Variants in RCN2 observed in about 807,000 individuals in gnomAD.
The protein encoded by RCN2 is reticulocalbin-2.
RCN2 carries 23 observed loss-of-function variants against 37.5 expected under a neutral mutation model. The observed-to-expected ratio is 0.61, with a 90% CI of 0.44 to 0.87. The LOEUF (loss-of-function observed/expected upper bound fraction) is 0.87, where lower values mean the gene tolerates loss of function less well. Ranked by LOEUF, RCN2 falls within the 40% of genes least tolerant of loss-of-function variation. The probability of loss-of-function intolerance (pLI) is 0.00; values close to 1 mark genes in which losing one functional copy is unlikely to be tolerated. For synonymous variants in RCN2, 140 were observed against 144.6 expected (o/e 0.97, Z 0.23); for missense variants, 381 against 390.4 (o/e 0.98, Z 0.20).
At position 76,932,889 on chromosome 15, in the gene RCN2, A is replaced by G. The variant is rs79531144; in HGVS notation, c.250+423A>G. On this transcript the variant is annotated intron_variant, in intron 2 of 6. Transcript: ENST00000394885. ...AGTAGAAAAAGACCTGTTGCCTGTGAATTACGTTTATTATAACATTATACC... is the reference window on the plus strand; with the variant it reads ...AGTAGAAAAAGACCTGTTGCCTGTGGATTACGTTTATTATAACATTATACC... Among the ~76,000 whole-genome samples, 263 of 152,188 alleles carry G rather than the reference A, an allele frequency of 1.7e-3. 2 individuals carry two copies. Among genetic ancestry groups the G allele is most frequent in the African/African-American group, 5.7e-3 (235 of 41,498 alleles).
At chr15:76,932,550 G>A in intron 2 of RCN2, 84 bp downstream of exon 2, 1 of 926,132 alleles carries the variant, frequency 1.1e-6, no homozygotes, top group Non-Finnish European at 1.7e-6. Context: ...TAGATTGCTA[G>A]TGTCCCAAGT....
chr15:76,941,763 T>C, intron 3 of RCN2: 1 of 772,702 alleles, frequency 1.3e-6, no homozygotes, highest in Non-Finnish European at 1.9e-6. Flanking sequence ...CCCTTCACTT[T>C]TTTTTTTTTT....
At position 76,954,266 on chromosome 15, in the gene RCN2, A is replaced by G. The variant is rs145642830; in HGVS notation, c.*5044A>G. On this transcript the variant is annotated 3_prime_UTR_variant, in exon 7 of 7. Transcript: ENST00000394885. ...CTTTTGAGTGAGAAATGTCAACTCA[A>G]ACTTACACTTTTTCACTTAGGAAGA... 6.6e-6 allele frequency: 1 copy of G among 152,246 alleles called. No homozygotes were observed. The highest frequency in any genetic ancestry group is 1.9e-4 in the East Asian group (1 of 5,186). The allele number at this position is 152,246 out of a possible 1,614,324, so 9.4% of individuals were successfully genotyped here.
Position 76,952,173 on chromosome 15 carries a change from G to T in RCN2, c.*2951G>T, listed in dbSNP as rs941741521. 1 of 151,902 alleles carries T rather than the reference G, an allele frequency of 6.6e-6. No homozygotes were observed. Among genetic ancestry groups the T allele is most frequent in the African/African-American group, 2.4e-5 (1 of 41,294 alleles). 9.4% of individuals were successfully genotyped at this position (151,902 alleles called of 1,614,324 possible). On this transcript the variant is annotated 3_prime_UTR_variant, in exon 7 of 7. Coordinates refer to ENST00000394885, the MANE Select transcript of RCN2 (RefSeq NM_002902.3). ...GTCATGAGATAGTACCTACCAGAGT[G>T]GTACATTTGTTAAAATCGATGAAAC...
chr15:76,952,438 CAT>C lies in RCN2; in HGVS notation c.*3218_*3219del, dbSNP rs1271263287. The stretch of plus-strand genomic sequence containing the variant: ...ATTTTTTAGATTGTAGTAAAATACA[CAT>C]AACAAAATTCATCTTAACAGTTTTT... On this transcript the variant is annotated 3_prime_UTR_variant, in exon 7 of 7. Coordinates refer to ENST00000394885, the MANE Select transcript of RCN2 (RefSeq NM_002902.3). 1 of 152,118 alleles carries C rather than the reference CAT, an allele frequency of 6.6e-6. No homozygotes were observed. The highest frequency in any genetic ancestry group is 1.5e-5 in the Non-Finnish European group (1 of 68,022). 9.4% of individuals were successfully genotyped at this position (152,118 alleles called of 1,614,324 possible).
intron 3 of RCN2, among the ~76,000 whole-genome samples, chr15:76,937,002 T>C (rs1400615828): frequency 6.6e-6 from 1 of 152,234 alleles, no homozygotes; most frequent in African/African-American, 2.4e-5. Context: ...ATTTGGCTAC[T>C]CTAGGTACCT....
At chr15:76,935,360 A>G (rs149203038) in intron 2 of RCN2, among the ~76,000 whole-genome samples, 166 bp from the exon 3 acceptor site, 1 of 152,154 alleles carries the variant, frequency 6.6e-6, no homozygotes, top group Non-Finnish European at 1.5e-5. Context: ...GAGCTCTTCT[A>G]AACAGCCTTT....
chr15:76,936,683 G>A (rs1199915351), intron 3 of RCN2, among the ~76,000 whole-genome samples: 1 of 152,202 alleles, frequency 6.6e-6, no homozygotes, highest in Non-Finnish European at 1.5e-5. Flanking sequence ...TCAGGAAGAT[G>A]TGTGTAGGCT....
At chr15:76,941,705 T>C (rs757885711) in intron 3 of RCN2, 21 of 1,383,356 alleles carry the variant, frequency 1.5e-5, no homozygotes, top group Middle Eastern at 3.6e-4. Flanking sequence ...GCTATTCTTA[T>C]TTTGTGTTCT....
intron 4 of RCN2, among the ~76,000 whole-genome samples, chr15:76,946,708 T>C (rs1007375918): frequency 6.6e-5 from 10 of 151,954 alleles, no homozygotes; most frequent in African/African-American, 2.4e-4. Flanking sequence ...GCTGAGATCA[T>C]ACCATTGTAC....
At position 76,954,093 on chromosome 15, in the gene RCN2, G is replaced by A. The variant is rs1047545910; in HGVS notation, c.*4871G>A. 6.8e-6 allele frequency: 1 copy of A among 146,980 alleles called. No homozygotes were observed. The highest frequency in any genetic ancestry group is 1.5e-5 in the Non-Finnish European group (1 of 67,256). The allele number at this position is 146,980 out of a possible 1,614,324, so 9.1% of individuals were successfully genotyped here. ...TAGTAGCCATCCTGTTGGGTGAGAC[G>A]TGGTATCTCGTTGTGGCTTTGATTT... On this transcript the variant is annotated 3_prime_UTR_variant, in exon 7 of 7. Transcript: ENST00000394885.
Position 76,948,931 on chromosome 15 carries a change from C to T in RCN2, c.802-139C>T, listed in dbSNP as rs1005846563. On this transcript the variant is annotated intron_variant, in intron 6 of 6. Coordinates refer to ENST00000394885, the MANE Select transcript of RCN2 (RefSeq NM_002902.3). ...AAGCAGTAGACGGACCTGGTTACAA[C>T]GTGTAACATTTTTAGATACTTAAAC... is the stretch of plus-strand genomic sequence containing the variant. 30 of 774,602 alleles carry T rather than the reference C, an allele frequency of 3.9e-5. No homozygotes were observed. The Admixed American group carries it at 4.1e-4, about 11-fold the overall frequency. 48.0% of individuals were successfully genotyped at this position (774,602 alleles called of 1,614,324 possible).
chr15:76,943,491 G>T (rs2075283503), intron 3 of RCN2: 1 of 287,744 alleles, frequency 3.5e-6, no homozygotes, highest in Non-Finnish European at 6.4e-6. Flanking sequence ...TTTGATAGAT[G>T]AGGAAACCAG....
intron 3 of RCN2, among the ~76,000 whole-genome samples, chr15:76,939,279 A>T (rs1314297630): frequency 6.8e-6 from 1 of 147,538 alleles, no homozygotes; most frequent in Non-Finnish European, 1.5e-5. Context: ...AATAAATAAA[A>T]ATTTCCTCTT....
At position 76,931,933 on chromosome 15, in the gene RCN2, C is replaced by G. The variant is rs2075224659; in HGVS notation, c.92C>G (p.Pro31Arg). ...GGCAAGGCCGAGGAGCTGCACTACC[C>G]GCTGGGCGAGCGCCGCAGCGACTAC... The part of the protein sequence containing the change: ...GAGKAEELHY[P>R]LGERRSDYDR... The change falls in exon 1 of 7, where the codon CCG (proline) becomes CGG (arginine). Residue 31 changes from proline (P) to arginine (R), a missense_variant. Transcript: ENST00000394885. The G allele has an allele frequency of 1.5e-6, 2 of 1,307,972 alleles. No homozygotes were observed. Among genetic ancestry groups the G allele is most frequent in the African/African-American group, 1.6e-5 (1 of 64,460 alleles). The allele number at this position is 1,307,972 out of a possible 1,614,324, so 81.0% of individuals were successfully genotyped here.
rs1005394614 is a variant in RCN2, at chr15:76,950,680, C to T, written c.*1458C>T. ...CTGGAATTACAGGCGTGAGCCAACG[C>T]GCACGGCCTCTAGTTTTTCATTCTT... On this transcript the variant is annotated 3_prime_UTR_variant, in exon 7 of 7. Transcript: ENST00000394885. The T allele has an allele frequency of 6.6e-6, 1 of 152,176 alleles. No homozygotes were observed. The highest frequency in any genetic ancestry group is 2.4e-5 in the African/African-American group (1 of 41,446). 9.4% of individuals were successfully genotyped at this position (152,176 alleles called of 1,614,324 possible). A position where few individuals can be genotyped will look rare whatever the true frequency, so the allele number is the denominator to read the frequency against.
At chr15:76,940,193 TC>T (rs2075271096) in intron 3 of RCN2, among the ~76,000 whole-genome samples, 1 of 152,010 alleles carries the variant, frequency 6.6e-6, no homozygotes, top group Non-Finnish European at 1.5e-5. Flanking sequence ...ATAAGTAACT[TC>T]CTGTGTGTAT....
intron 2 of RCN2, among the ~76,000 whole-genome samples, chr15:76,932,945 T>C (rs904171064): frequency 6.6e-6 from 1 of 152,168 alleles, no homozygotes; most frequent in African/African-American, 2.4e-5. Flanking sequence ...GGCCTTGGGA[T>C]CATCTTGTCC....
intron 6 of RCN2, 58 bp from the exon 7 acceptor site, chr15:76,949,012 G>GTGAA: frequency 7.0e-7 from 1 of 1,429,970 alleles, no homozygotes; most frequent in Non-Finnish European, 9.5e-7. Context: ...ACATTAAATT[G>GTGAA]TGAACATCTT....
Sources: allele counts gnomAD v4.1 joint callset (sites outside exome capture counted in the v4.1 genomes callset), GRCh38; gene constraint gnomAD v4.1.1; transcripts MANE v1.5; gene names NCBI Gene and HGNC (gene_info 2026-07-23, HGNC 2026-07-21).